The following DUSP22 variants were observed in gnomAD, a reference collection of about 807,000 sequenced individuals.
DUSP22 encodes dual specificity protein phosphatase 22.
Under a neutral mutation model 24.5 loss-of-function variants are expected in DUSP22, and 24 were observed. The observed-to-expected ratio is 0.98, with a 90% CI of 0.71 to 1.38. The LOEUF (loss-of-function observed/expected upper bound fraction) is 1.38. Ranked by LOEUF, DUSP22 falls within the 40% of genes most tolerant of loss-of-function variation. DUSP22 has a pLI of 0.00. For missense variants in DUSP22, 330 were observed against 269.2 expected (o/e 1.23, Z -1.58); for synonymous variants, 160 against 106.4 (o/e 1.50, Z -3.10).
chr6:324,467 A>AT (rs1758757163), intron 3 of DUSP22, among the ~76,000 whole-genome samples: 2 of 152,304 alleles, frequency 1.3e-5, no homozygotes, highest in South Asian at 4.1e-4. Flanking sequence ...AACTTGCTGC[A>AT]TAACAGAGGG....
intron 6 of DUSP22, 71 bp from the exon 7 acceptor site, chr6:348,698 A>G (rs1760006416): frequency 6.3e-7 from 1 of 1,594,142 alleles, no homozygotes; most frequent in Non-Finnish European, 8.6e-7. Flanking sequence ...GTGAAGTCAC[A>G]GGTGCAAGCC....
chr6:340,361 C>A (rs1163749019), intron 4 of DUSP22, among the ~76,000 whole-genome samples: 1 of 152,308 alleles, frequency 6.6e-6, no homozygotes, highest in African/African-American at 2.4e-5. Context: ...GGGGGCTTCA[C>A]CATCAGCCTT....
rs530476971 is a variant in DUSP22 at position 341,086 on chromosome 6, G to A, written c.189-4768G>A. Among the ~76,000 whole-genome samples the A allele has an allele frequency of 8.5e-5, 13 of 152,416 alleles. No individual in the cohort carries two copies. The South Asian group carries it at 2.3e-3, about 27-fold the overall frequency. On this transcript the variant is annotated intron_variant, in intron 4 of 6. Transcript: ENST00000419235. ...CTGCGGGTGACTGGGCAGTTTGCGA[G>A]TCCCCTCTCCCTGGAGGTGCCCCTG...
chr6:322,850 G>A (rs898908228), intron 3 of DUSP22, among the ~76,000 whole-genome samples: 4 of 151,402 alleles, frequency 2.6e-5, no homozygotes, highest in Non-Finnish European at 4.4e-5. Context: ...GGGGGCCTTC[G>A]AGTCTGCAAT....
At position 336,343 on chromosome 6, in the gene DUSP22, G is replaced by A. The variant is rs532740701; in HGVS notation, c.188+1180G>A. ...TGTGAATTTGGGAGTCCTCAGGCTC[G>A]TCTGGATTCCCCTTTTATGCCCCAA... On this transcript the variant is annotated intron_variant, in intron 4 of 6. Coordinates refer to ENST00000419235, the MANE Select transcript of DUSP22 (RefSeq NM_001286555.3). Among the ~76,000 whole-genome samples the A allele has an allele frequency of 1.7e-4, 26 of 152,412 alleles. No homozygotes were observed. The South Asian group carries it at 1.9e-3, about 11-fold the overall frequency.
rs1581198674 is a variant in DUSP22, at chr6:349,545, C to G, written c.*594C>G. 1 of 990,072 alleles carries G rather than the reference C, an allele frequency of 1.0e-6. No individual in the cohort carries two copies. Among genetic ancestry groups the G allele is most frequent in the Admixed American group, 6.0e-5 (1 of 16,646 alleles). The allele number at this position is 990,072 out of a possible 1,614,324, so 61.3% of individuals were successfully genotyped here. ...CGAGTGGCTAAGAGCATGGCCTCTC[C>G]CAGAACCCACCCAGGGTGGTGTGGT... On this transcript the variant is annotated 3_prime_UTR_variant, in exon 7 of 7. Transcript: ENST00000419235.
At position 349,229 on chromosome 6, in the gene DUSP22, G is replaced by C; in HGVS notation, c.*278G>C. On this transcript the variant is annotated 3_prime_UTR_variant, in exon 7 of 7. Transcript: ENST00000419235. ...CGTGCGTGTGTGTGAGTGCACTTGT[G>C]TGTGGGTGACTAAGTGGATGCATGT... The C allele has an allele frequency of 7.3e-7, 1 of 1,376,600 alleles. No individual in the cohort carries two copies. Among genetic ancestry groups the C allele is most frequent in the Non-Finnish European group, 9.4e-7 (1 of 1,064,078 alleles). The allele number at this position is 1,376,600 out of a possible 1,614,324, so 85.3% of individuals were successfully genotyped here. A position where few individuals can be genotyped will look rare whatever the true frequency, so the allele number is the denominator to read the frequency against.
chr6:346,177 C>A (rs552207560), intron 5 of DUSP22, among the ~76,000 whole-genome samples: 5 of 152,294 alleles, frequency 3.3e-5, no homozygotes, highest in Non-Finnish European at 7.3e-5. Context: ...CTGTAGGGAC[C>A]GTGAAGGTTA....
intron 3 of DUSP22, among the ~76,000 whole-genome samples, chr6:313,906 C>T (rs1758220464): frequency 6.6e-6 from 1 of 152,306 alleles, no homozygotes; most frequent in African/African-American, 2.4e-5. Flanking sequence ...GTTATAGTCT[C>T]AGAAGTTCCA....
chr6:342,650 C>G (rs371220272), intron 4 of DUSP22, among the ~76,000 whole-genome samples: 33 of 152,404 alleles, frequency 2.2e-4, no homozygotes, highest in African/African-American at 7.7e-4. Context: ...GTTTGACTGA[C>G]ACATGGCATT....
At position 337,726 on chromosome 6, in the gene DUSP22, G is replaced by A. The variant is rs907015057; in HGVS notation, c.188+2563G>A. Among the ~76,000 whole-genome samples, 13 of 152,416 alleles carry A rather than the reference G, an allele frequency of 8.5e-5. No homozygotes were observed. The East Asian group carries it at 1.7e-3, about 20-fold the overall frequency. On this transcript the variant is annotated intron_variant, in intron 4 of 6. Transcript: ENST00000419235. ...TGGACTTTTAGCGCATCCGTCACCC[G>A]AATAGTGAACGTTTTACTCTTTAAG...
Position 348,182 on chromosome 6 carries a change from C to A in DUSP22, c.343C>A (p.Leu115Met). ...TVTDFGWEDA[L>M]HTVRAGRSCA... Reference sequence around the variant, plus strand: ...CACTGACTTTGGCTGGGAGGATGCCCTGCACACCGTGCGTGCTGGGAGATC... The same window carrying A: ...CACTGACTTTGGCTGGGAGGATGCCATGCACACCGTGCGTGCTGGGAGATC... The change falls in exon 6 of 7, where the codon CTG (leucine) becomes ATG (methionine). Residue 115 changes from leucine (L) to methionine (M), a missense_variant. By Grantham distance (15) the Leu-to-Met change is conservative (BLOSUM62 2). Coordinates refer to ENST00000419235, the MANE Select transcript of DUSP22 (RefSeq NM_001286555.3). 6.2e-7 allele frequency: 1 copy of A among 1,614,312 alleles called. No individual in the cohort carries two copies. Among genetic ancestry groups the A allele is most frequent in the Non-Finnish European group, 8.5e-7 (1 of 1,180,060 alleles).
In DUSP22 at chr6:348,883, GC is replaced by G; in HGVS notation, c.552del (p.Arg185GlyfsTer12). Reference sequence around the variant, plus strand: ...AGGGCGCACAGAGCCCCAGCCCGGCGCCAGGCGGTGGAGCAGTTTTCCGGCA... The same window carrying G: ...AGGGCGCACAGAGCCCCAGCCCGGCGCAGGCGGTGGAGCAGTTTTCCGGCA... Reference protein sequence around the residue: ...EQGRTEPQPGARRWSSFPALA... With the variant: ...EQGRTEPQPGXRRWSSFPALA... On this transcript the variant is annotated frameshift_variant, in exon 7 of 7. Coordinates refer to ENST00000419235, the MANE Select transcript of DUSP22 (RefSeq NM_001286555.3). LOFTEE classifies it high-confidence loss of function. 1 of 1,614,184 alleles carries G rather than the reference GC, an allele frequency of 6.2e-7. No homozygotes were observed. The highest frequency in any genetic ancestry group is 8.5e-7 in the Non-Finnish European group (1 of 1,180,008).
intron 2 of DUSP22, among the ~76,000 whole-genome samples, chr6:309,548 A>G (rs1757970215): frequency 6.6e-6 from 1 of 152,304 alleles, no homozygotes; most frequent in African/African-American, 2.4e-5. Flanking sequence ...AATGTTTAGA[A>G]CAATGTTTCT....
chr6:304,467 G>A (rs954877731), intron 1 of DUSP22, among the ~76,000 whole-genome samples, 161 bp from the exon 2 acceptor site: 1 of 152,308 alleles, frequency 6.6e-6, no homozygotes, highest in Non-Finnish European at 1.5e-5. Context: ...CCTTCCACAG[G>A]CCGCTGGGGA....
intron 3 of DUSP22, among the ~76,000 whole-genome samples, chr6:322,834 G>A (rs1310434999): frequency 6.2e-5 from 3 of 48,022 alleles, no homozygotes; most frequent in East Asian, 1.2e-3. Flanking sequence ...GCTTGGTGGG[G>A]CGGGGGGGGG....
chr6:332,041 A>AT (rs1390028249), intron 3 of DUSP22, among the ~76,000 whole-genome samples: 2 of 152,290 alleles, frequency 1.3e-5, no homozygotes, highest in African/African-American at 4.8e-5. Context: ...GCTTTACAGT[A>AT]TTTTTCTTTC....
chr6:323,014 C>G (rs1758682160), intron 3 of DUSP22, among the ~76,000 whole-genome samples: 1 of 152,294 alleles, frequency 6.6e-6, no homozygotes, highest in African/African-American at 2.4e-5. Context: ...TTTTCAGGTG[C>G]TCTGAATAAT....
chr6:334,762 T>TAA (rs2127413088), intron 3 of DUSP22, among the ~76,000 whole-genome samples: 1 of 152,426 alleles, frequency 6.6e-6, no homozygotes, highest in East Asian at 1.9e-4. Flanking sequence ...CTAAATGAAA[T>TAA]ATATAAAAAA....
Sources: allele counts gnomAD v4.1 joint callset (sites outside exome capture counted in the v4.1 genomes callset), GRCh38; gene constraint gnomAD v4.1.1; transcripts MANE v1.5; gene names NCBI Gene and HGNC (gene_info 2026-07-23, HGNC 2026-07-21).